PDE11A: variants seen among roughly 807,000 people sequenced by gnomAD.
PDE11A encodes phosphodiesterase 11A, also known as dual 3',5'-cyclic-AMP and -GMP phosphodiesterase 11A.
In PDE11A, 100 loss-of-function variants were observed where a neutral mutation model predicts 100.5. The observed-to-expected ratio is 1.00, with a 90% confidence interval of 0.85 to 1.18. The LOEUF is 1.18. Ranked by LOEUF, PDE11A falls within the 50% of genes most tolerant of loss-of-function variation. PDE11A has a pLI of 0.00. For missense variants in PDE11A, 1,141 were observed against 1,152.6 expected (o/e 0.99, Z 0.15); for synonymous variants, 381 against 420.8 (o/e 0.91, Z 1.16).
intron 2 of PDE11A, among the ~76,000 whole-genome samples, chr2:177,940,448 CTATTT>C (rs1382297831): frequency 9.2e-5 from 14 of 152,120 alleles, no homozygotes; most frequent in Admixed American, 5.2e-4. Context: ...AGAACTGATT[CTATTT>C]TATTTATTCC....
intron 6 of PDE11A, among the ~76,000 whole-genome samples, chr2:177,837,535 G>A (rs570447009): frequency 6.0e-5 from 9 of 150,916 alleles, no homozygotes; most frequent in Admixed American, 2.6e-4. Flanking sequence ...GTGCAGTGGC[G>A]CGATCTCAGC....
chr2:178,020,454 C>A (rs965914900), intron 1 of PDE11A, among the ~76,000 whole-genome samples: 5 of 152,290 alleles, frequency 3.3e-5, no homozygotes, highest in African/African-American at 7.2e-5. Flanking sequence ...CTCTCCCCAC[C>A]ATCTCCTCAC....
At chr2:177,991,877 G>C (rs1227597317) in intron 2 of PDE11A, among the ~76,000 whole-genome samples, 1 of 150,756 alleles carries the variant, frequency 6.6e-6, no homozygotes, top group East Asian at 1.9e-4. Flanking sequence ...CATACTTAAG[G>C]GAAGAGATTT....
chr2:177,830,337 C>T (rs1001968488), intron 6 of PDE11A, among the ~76,000 whole-genome samples: 5 of 152,008 alleles, frequency 3.3e-5, no homozygotes, highest in African/African-American at 4.8e-5. Context: ...CGGTAGCTCA[C>T]GCCTGTAATC....
intron 19 of PDE11A, among the ~76,000 whole-genome samples, chr2:177,651,949 G>A (rs1205069000): frequency 1.3e-5 from 2 of 152,154 alleles, no homozygotes; most frequent in Admixed American, 6.5e-5. Flanking sequence ...CACCGCCACA[G>A]GGCAATTCAA....
intron 9 of PDE11A, among the ~76,000 whole-genome samples, chr2:177,787,593 C>A (rs1411180707): frequency 6.6e-6 from 1 of 151,060 alleles, no homozygotes; most frequent in Non-Finnish European, 1.5e-5. Context: ...CGCAGACTGG[C>A]AAATTGGATA....
intron 6 of PDE11A, among the ~76,000 whole-genome samples, chr2:177,833,078 C>G (rs780164057): frequency 3.3e-5 from 5 of 152,088 alleles, no homozygotes; most frequent in Non-Finnish European, 4.4e-5. Flanking sequence ...GCCTAACGCC[C>G]CTCAGTCAAA....
intron 9 of PDE11A, among the ~76,000 whole-genome samples, chr2:177,804,389 A>G (rs1332050452): frequency 6.6e-6 from 1 of 152,110 alleles, no homozygotes; most frequent in African/African-American, 2.4e-5. Context: ...ATACCATTTT[A>G]CACCAGTTAT....
At chr2:177,937,568 C>T (rs185207864) in intron 2 of PDE11A, among the ~76,000 whole-genome samples, 1 of 152,156 alleles carries the variant, frequency 6.6e-6, no homozygotes, top group East Asian at 1.9e-4. Flanking sequence ...CTGCCAGTCT[C>T]GCCCTTTCAA....
In PDE11A at chr2:178,067,044, T is replaced by C. The variant is rs559156729; in HGVS notation, c.912+4482A>G. 2.0e-5 allele frequency among the ~76,000 whole-genome samples: 3 copies of C among 152,290 alleles called. No homozygotes were observed. The South Asian group carries it at 6.2e-4, about 32-fold the overall frequency. On this transcript the variant is annotated intron_variant, in intron 1 of 19. Transcript: ENST00000286063. ...TGGATAAAGGCATCACACTTCCTCA[T>C]ATCTCCTGGGTTTAGAATCTGAGTC...
intron 2 of PDE11A, among the ~76,000 whole-genome samples, chr2:177,985,856 T>A (rs1483304079): frequency 6.6e-6 from 1 of 152,278 alleles, no homozygotes; most frequent in Non-Finnish European, 1.5e-5. Context: ...TGCATTTGCT[T>A]CTTTAAAGCT....
At chr2:178,004,885 G>A (rs2086186536) in intron 2 of PDE11A, among the ~76,000 whole-genome samples, 2 of 152,088 alleles carry the variant, frequency 1.3e-5, no homozygotes, top group African/African-American at 4.8e-5. Context: ...CCCCAGTTCA[G>A]GGGATGGCAA....
chr2:178,005,133 G>A (rs139860369), intron 2 of PDE11A, among the ~76,000 whole-genome samples: 12 of 142,392 alleles, frequency 8.4e-5, no homozygotes, highest in Non-Finnish European at 1.7e-4. Context: ...GGTGTTCACA[G>A]TTTACATGAA....
intron 2 of PDE11A, among the ~76,000 whole-genome samples, chr2:178,007,824 C>A (rs1320877777): frequency 6.6e-6 from 1 of 152,102 alleles, no homozygotes; most frequent in Non-Finnish European, 1.5e-5. Context: ...CCTGCCTCAG[C>A]CTCCCAAGTA....
intron 2 of PDE11A, among the ~76,000 whole-genome samples, chr2:178,098,592 C>CTAAA (rs2087523595): frequency 6.6e-6 from 1 of 151,994 alleles, no homozygotes; most frequent in Admixed American, 6.6e-5. Context: ...CATGGATATT[C>CTAAA]TTTAGAGTAT....
intron 2 of PDE11A, among the ~76,000 whole-genome samples, chr2:177,991,262 C>T (rs905212163): frequency 6.7e-6 from 1 of 149,510 alleles, no homozygotes; most frequent in Non-Finnish European, 1.5e-5. Context: ...ACCTGGGAGG[C>T]GGAGGTTGCA....
chr2:177,819,377 G>C (rs1310233981), intron 7 of PDE11A, among the ~76,000 whole-genome samples: 1 of 152,050 alleles, frequency 6.6e-6, no homozygotes, highest in Non-Finnish European at 1.5e-5. Flanking sequence ...AAGGCAAATG[G>C]ATGCATTAGT....
chr2:177,887,839 G>A (rs1374748920), intron 4 of PDE11A, among the ~76,000 whole-genome samples: 2 of 152,102 alleles, frequency 1.3e-5, no homozygotes, highest in African/African-American at 4.8e-5. Flanking sequence ...TTCTTCTCCT[G>A]GACACAGTTA....
At chr2:177,831,847 G>A (rs1260109521) in intron 6 of PDE11A, among the ~76,000 whole-genome samples, 5 of 152,192 alleles carry the variant, frequency 3.3e-5, no homozygotes, top group African/African-American at 9.7e-5. Context: ...TGTAAATGTA[G>A]TCATCAGGGC....
Sources: gnomAD v4.1 joint callset for allele counts (sites outside exome capture counted in the v4.1 genomes callset) on GRCh38, gnomAD v4.1.1 for gene constraint, MANE v1.5 for transcripts, NCBI Gene and HGNC (gene_info 2026-07-23, HGNC 2026-07-21) for gene names.